Variants in SCGB2B2 observed in about 807,000 individuals in gnomAD.
SCGB2B2 encodes the protein secretoglobin-like protein.
A neutral mutation model predicts 7.6 loss-of-function variants in SCGB2B2; 11 were observed. The observed-to-expected ratio is 1.45, with a 90% CI of 0.91 to 2.40. SCGB2B2 has a LOEUF of 2.40. Ranked by LOEUF, SCGB2B2 falls within the 30% of genes most tolerant of loss-of-function variation. The pLI is 0.00. For missense variants in SCGB2B2, 104 were observed against 115.4 expected (o/e 0.90, Z 0.45); for synonymous variants, 50 against 48.6 (o/e 1.03, Z -0.12).
chr19:34,608,660 C>T (rs375699025), intron 1 of SCGB2B2: 17 of 87,256 alleles, frequency 1.9e-4, no homozygotes, highest in East Asian at 8.7e-4. Context: ...TGTCTCATTG[C>T]ATATATATAT....
chr19:34,671,823 AATTC>A (rs1442595767), intron 1 of SCGB2B2, among the ~76,000 whole-genome samples: 3 of 152,160 alleles, frequency 2.0e-5, no homozygotes, highest in Non-Finnish European at 4.4e-5. Context: ...AAATTTTATA[AATTC>A]ATTTATTCCA....
intron 1 of SCGB2B2, among the ~76,000 whole-genome samples, chr19:34,615,980 T>C (rs2066067210): frequency 6.6e-6 from 1 of 151,790 alleles, no homozygotes; most frequent in Non-Finnish European, 1.5e-5. Context: ...AGAATGATGA[T>C]TTCCAATTTC....
At chr19:34,624,258 G>C (rs1303171590) in intron 1 of SCGB2B2, among the ~76,000 whole-genome samples, 1 of 152,174 alleles carries the variant, frequency 6.6e-6, no homozygotes, top group African/African-American at 2.4e-5. Context: ...CTTTTATGTG[G>C]AGGAATAAAA....
intron 1 of SCGB2B2, among the ~76,000 whole-genome samples, chr19:34,614,573 A>C (rs2066019424): frequency 6.6e-6 from 1 of 152,206 alleles, no homozygotes; most frequent in African/African-American, 2.4e-5. Context: ...CCTTAAGATT[A>C]GTAGTTTGAA....
At position 34,592,464 on chromosome 19, in the gene SCGB2B2, G is replaced by A. The variant is rs1032708913; in HGVS notation, c.*1091C>T. 6.6e-6 allele frequency among the ~76,000 whole-genome samples: 1 copy of A among 152,118 alleles called. No homozygotes were observed. Among genetic ancestry groups the A allele is most frequent in the Admixed American group, 6.5e-5 (1 of 15,282 alleles). The stretch of plus-strand genomic sequence containing the variant: ...GCAGGAGGGAGGGACAGGGTTTGGA[G>A]GGTGTCATCTGAGAGACACCTGGGT... On this transcript the variant is annotated 3_prime_UTR_variant, in exon 4 of 4. Coordinates refer to ENST00000601241, the MANE Select transcript of SCGB2B2 (RefSeq NM_001025591.4).
chr19:34,605,985 T>G (rs1600042050), intron 1 of SCGB2B2, among the ~76,000 whole-genome samples: 1 of 152,126 alleles, frequency 6.6e-6, no homozygotes, highest in Non-Finnish European at 1.5e-5. Context: ...CCCAATTTGT[T>G]TTTTTAGAAA....
intron 1 of SCGB2B2, among the ~76,000 whole-genome samples, chr19:34,662,963 A>AAAC (rs1568443150): frequency 3.2e-5 from 4 of 125,638 alleles, no homozygotes; most frequent in African/African-American, 8.1e-5. Flanking sequence ...AACAAACAAA[A>AAAC]AAAAACAATA....
rs1439021260 is a variant in SCGB2B2, at chr19:34,629,765, C to G, written c.-2031-33171G>C. Among the ~76,000 whole-genome samples the G allele has an allele frequency of 4.0e-5, 6 of 150,302 alleles. 1 individual carries two copies. Among genetic ancestry groups the G allele is most frequent in the Non-Finnish European group, 7.5e-5 (5 of 66,820 alleles). ...ACTTTCTTCACAGAATTGGAAAAAA[C>G]TAAAGTTCATGTGGAAGCAAAGAAA... On this transcript the variant is annotated intron_variant, in intron 1 of 3. Coordinates refer to ENST00000601241, the MANE Select transcript of SCGB2B2 (RefSeq NM_001025591.4).
chr19:34,589,775 G>A (rs970272674), downstream of SCGB2B2, among the ~76,000 whole-genome samples: 1 of 152,154 alleles, frequency 6.6e-6, no homozygotes, highest in Non-Finnish European at 1.5e-5. Context: ...GCAGGTGTGG[G>A]GACAGAAGAT....
rs1256264172 is a variant in SCGB2B2, at chr19:34,668,156, C to A, written c.-2032+7474G>T. 2.6e-5 allele frequency among the ~76,000 whole-genome samples: 4 copies of A among 152,176 alleles called. No homozygotes were observed. The East Asian group carries it at 7.7e-4, about 29-fold the overall frequency. ...GAGCCCCTTTCTGGGCTGGCCAAGG[C>A]GGGAGCCGGCTCCCTCAGCTTGCAG... is the stretch of plus-strand genomic sequence containing the variant. On this transcript the variant is annotated intron_variant, in intron 1 of 3. Coordinates refer to ENST00000601241, the MANE Select transcript of SCGB2B2 (RefSeq NM_001025591.4).
intron 1 of SCGB2B2, among the ~76,000 whole-genome samples, chr19:34,612,801 A>G (rs371509309): frequency 6.6e-6 from 1 of 152,110 alleles, no homozygotes; most frequent in African/African-American, 2.4e-5. Flanking sequence ...TCTCTCCTTA[A>G]ATCTAATAAT....
At chr19:34,622,506 G>GGAAAT (rs1419183273) in intron 1 of SCGB2B2, among the ~76,000 whole-genome samples, 4 of 152,152 alleles carry the variant, frequency 2.6e-5, no homozygotes. Flanking sequence ...AGGGCAAAGA[G>GGAAAT]GAAATGGGCT....
intron 1 of SCGB2B2, among the ~76,000 whole-genome samples, chr19:34,601,093 C>A (rs73038290): frequency 0.058 from 8,817 of 152,164 alleles, 344 homozygotes; most frequent in African/African-American, 0.11. Context: ...GAGTCCAATA[C>A]CTTTTTAATT....
intron 1 of SCGB2B2, among the ~76,000 whole-genome samples, chr19:34,662,960 A>C (rs1355952844): frequency 7.1e-6 from 1 of 141,288 alleles, no homozygotes; most frequent in East Asian, 1.9e-4. Context: ...ACAAACAAAC[A>C]AAAAAAAACA....
At chr19:34,658,031 ATCT>A (rs1391856702) in intron 1 of SCGB2B2, among the ~76,000 whole-genome samples, 20 of 152,208 alleles carry the variant, frequency 1.3e-4, no homozygotes, top group Non-Finnish European at 7.3e-5. Context: ...AAAAATAAAG[ATCT>A]TCTTTGAAAC....
intron 1 of SCGB2B2, among the ~76,000 whole-genome samples, chr19:34,642,259 G>C (rs1403425255): frequency 6.6e-6 from 1 of 152,280 alleles, no homozygotes; most frequent in South Asian, 2.1e-4. Context: ...TATCACTGGG[G>C]ACTCCTGCAA....
At position 34,597,472 on chromosome 19, in the gene SCGB2B2, G is replaced by A. The variant is rs148116122; in HGVS notation, c.-2031-878C>T. On this transcript the variant is annotated intron_variant, in intron 1 of 3. Coordinates refer to ENST00000601241, the MANE Select transcript of SCGB2B2 (RefSeq NM_001025591.4). The stretch of plus-strand genomic sequence containing the variant: ...GAGGGTTTGATATCAGACATCTCCC[G>A]TGCACCACTTTCAGCCATCTCAGCC... Among the ~76,000 whole-genome samples, 153 of 152,222 alleles carry A rather than the reference G, an allele frequency of 1.0e-3. 1 individual carries two copies. In the East Asian group the frequency reaches 0.021, roughly 21 times the overall value.
intron 1 of SCGB2B2, among the ~76,000 whole-genome samples, chr19:34,647,823 G>A (rs540683123): frequency 2.0e-5 from 3 of 152,236 alleles, no homozygotes; most frequent in Non-Finnish European, 4.4e-5. Flanking sequence ...AAATGTGATC[G>A]GGTGGGACTG....
chr19:34,592,621 G>C lies in SCGB2B2; in HGVS notation c.*934C>G, dbSNP rs56678972. On this transcript the variant is annotated 3_prime_UTR_variant, in exon 4 of 4. Transcript: ENST00000601241. ...ACCTCCCCCAGAAGGAGTTGATGGAGCCTCATCAGTGTATTGAAGGCCACT... is the reference window on the plus strand; with the variant it reads ...ACCTCCCCCAGAAGGAGTTGATGGACCCTCATCAGTGTATTGAAGGCCACT... Among the ~76,000 whole-genome samples the C allele has an allele frequency of 3.6e-3, 546 of 152,262 alleles. 3 individuals carry two copies. The highest frequency in any genetic ancestry group is 0.012 in the African/African-American group (518 of 41,544).
Sources: gnomAD v4.1 joint callset for allele counts (sites outside exome capture counted in the v4.1 genomes callset) on GRCh38, gnomAD v4.1.1 for gene constraint, MANE v1.5 for transcripts, NCBI Gene and HGNC (gene_info 2026-07-23, HGNC 2026-07-21) for gene names.